The following ITPR2 variants were observed in gnomAD, a reference collection of about 807,000 sequenced individuals.
ITPR2 encodes the protein inositol 1,4,5-trisphosphate-gated calcium channel ITPR2.
ITPR2 carries 207 observed loss-of-function variants against 317.1 expected under a neutral mutation model. The observed-to-expected ratio is 0.65, with a 90% CI of 0.58 to 0.73. The LOEUF is 0.73. Ranked by LOEUF, ITPR2 falls within the 30% of genes least tolerant of loss-of-function variation. The pLI is 0.00. For synonymous variants in ITPR2, 1,156 were observed against 1,149.1 expected (o/e 1.01, Z -0.12); for missense variants, 2,613 against 3,284.0 (o/e 0.80, Z 4.99).
chr12:26,354,668 TTTTG>T (rs1263354901), intron 55 of ITPR2, among the ~76,000 whole-genome samples: 1 of 151,996 alleles, frequency 6.6e-6, no homozygotes, highest in Non-Finnish European at 1.5e-5. Context: ...TGGTTCTCTT[TTTTG>T]TTTGTTTGTT....
chr12:26,383,696 C>T (rs186971013), intron 55 of ITPR2, among the ~76,000 whole-genome samples: 1 of 148,932 alleles, frequency 6.7e-6, no homozygotes, highest in Non-Finnish European at 1.5e-5. Context: ...TGGGGTTTCA[C>T]CGCATTAGCC....
intron 14 of ITPR2, 107 bp downstream of exon 14, chr12:26,665,803 G>A (rs990856304): frequency 4.1e-6 from 4 of 986,756 alleles, no homozygotes; most frequent in African/African-American, 3.3e-5. Context: ...CAGCCACTAA[G>A]TTTTGGGATC....
At chr12:26,783,543 T>C (rs1950133313) in intron 2 of ITPR2, among the ~76,000 whole-genome samples, 2 of 152,146 alleles carry the variant, frequency 1.3e-5, no homozygotes, top group African/African-American at 4.8e-5. Flanking sequence ...ATGCAGACTT[T>C]TAGAAAAATG....
chr12:26,636,066 C>T (rs1270504859), intron 21 of ITPR2, among the ~76,000 whole-genome samples: 1 of 152,196 alleles, frequency 6.6e-6, no homozygotes, highest in Non-Finnish European at 1.5e-5. Context: ...AGCTGGATAG[C>T]TAGTTCTACG....
chr12:26,784,350 C>T (rs1305641237), intron 2 of ITPR2, among the ~76,000 whole-genome samples: 1 of 73,680 alleles, frequency 1.4e-5, no homozygotes. Flanking sequence ...TCTCCCTCTC[C>T]CTCTCCCTCT....
chr12:26,576,940 G>A (rs73290039), intron 34 of ITPR2, among the ~76,000 whole-genome samples: 8,592 of 152,152 alleles, frequency 0.056, 246 homozygotes, highest in South Asian at 0.1. Context: ...AATTATCCTG[G>A]GAGTGGGTTT....
In ITPR2 at chr12:26,617,662, G is replaced by GGGAAGGAAGGAGGGAAGGAA. The variant is rs1565643934; in HGVS notation, c.3462+3460_3462+3461insTTCCTTCCCTCCTTCCTTCC. The stretch of plus-strand genomic sequence containing the variant: ...AAAAAGAAAAGAAAGGAGGGACGGA[G>GGGAAGGAAGGAGGGAAGGAA]GGAGGGAAGGAAGGAGGGAAGGAAG... On this transcript the variant is annotated intron_variant, in intron 26 of 56. Coordinates refer to ENST00000381340, the MANE Select transcript of ITPR2 (RefSeq NM_002223.4). 3.4e-3 allele frequency among the ~76,000 whole-genome samples: 418 copies of GGGAAGGAAGGAGGGAAGGAA among 122,338 alleles called. 1 individual carries two copies. The highest frequency in any genetic ancestry group is 0.011 in the East Asian group (37 of 3,452). 80.3% of individuals were successfully genotyped at this position (122,338 alleles called of 152,430 possible).
At chr12:26,500,456 C>T (rs1162122145) in intron 37 of ITPR2, among the ~76,000 whole-genome samples, 1 of 152,184 alleles carries the variant, frequency 6.6e-6, no homozygotes, top group African/African-American at 2.4e-5. Flanking sequence ...GGTCTCTTTG[C>T]TGAGTGAGGA....
intron 9 of ITPR2, among the ~76,000 whole-genome samples, chr12:26,698,464 A>C (rs1188834683): frequency 6.6e-6 from 1 of 152,270 alleles, no homozygotes; most frequent in African/African-American, 2.4e-5. Flanking sequence ...CACAAAACAC[A>C]ATGTACTGCA....
chr12:26,442,516 G>A (rs1941509851), intron 46 of ITPR2, among the ~76,000 whole-genome samples: 1 of 152,048 alleles, frequency 6.6e-6, no homozygotes, highest in African/African-American at 2.4e-5. Context: ...CACTCTATTT[G>A]CTATTCCCTG....
rs1937967235 is a variant in ITPR2, at chr12:26,337,753, G to C, written c.*1644C>G. The C allele has an allele frequency of 6.6e-6, 1 of 152,158 alleles. No individual in the cohort carries two copies. The highest frequency in any genetic ancestry group is 1.5e-5 in the Non-Finnish European group (1 of 68,040). 9.4% of individuals were successfully genotyped at this position (152,158 alleles called of 1,614,324 possible). A position where few individuals can be genotyped will look rare whatever the true frequency, so the allele number is the denominator to read the frequency against. On this transcript the variant is annotated 3_prime_UTR_variant, in exon 57 of 57. Transcript: ENST00000381340. ...AAAAAATACTGTCATGTCAGAGTGA[G>C]GAATTCTTAGTATGAGGTGGTGCTG... is the stretch of plus-strand genomic sequence containing the variant.
chr12:26,693,783 G>A lies in ITPR2; in HGVS notation c.996+1823C>T, dbSNP rs533497724. Among the ~76,000 whole-genome samples, 8 of 152,118 alleles carry A rather than the reference G, an allele frequency of 5.3e-5. No individual in the cohort carries two copies. In the East Asian group the frequency reaches 5.8e-4, roughly 11 times the overall value. On this transcript the variant is annotated intron_variant, in intron 10 of 56. Transcript: ENST00000381340. ...ATATTATGTAGTAGAAAGGAGATGC[G>A]CACAGAGATTTAATTAATTTGTACA...
chr12:26,569,978 G>T (rs116454928), intron 34 of ITPR2, among the ~76,000 whole-genome samples: 9,159 of 152,208 alleles, frequency 0.06, 330 homozygotes, highest in Middle Eastern at 0.11. Flanking sequence ...ATATCCAATA[G>T]TGAGGTTAAA....
In ITPR2 at chr12:26,656,551, TA is replaced by T. The variant is rs772791497; in HGVS notation, c.2193-4del. On this transcript the variant is annotated splice_region_variant and splice_polypyrimidine_tract_variant and intron_variant, in intron 18 of 56. Transcript: ENST00000381340. The stretch of plus-strand genomic sequence containing the variant: ...TTGCAAAGAGGTTTAGCTGGTACCT[TA>T]AAAATGGTAAACATATTACATTATT... 14 of 1,612,672 alleles carry T rather than the reference TA, an allele frequency of 8.7e-6. No homozygotes were observed. In the South Asian group the frequency reaches 1.3e-4, roughly 15 times the overall value.
chr12:26,491,118 T>C (rs932670426), intron 39 of ITPR2, among the ~76,000 whole-genome samples: 1 of 152,186 alleles, frequency 6.6e-6, no homozygotes. Context: ...AAGTATCTTA[T>C]GGACTGTAGC....
rs542134993 is a variant in ITPR2, at chr12:26,336,871, T to A, written c.*2526A>T. ...CATTAACAAACATACACATAACAAA[T>A]ATAAATTTATATCAAATGTCAAATT... On this transcript the variant is annotated 3_prime_UTR_variant, in exon 57 of 57. Transcript: ENST00000381340. The A allele has an allele frequency of 6.6e-6, 1 of 152,116 alleles. No individual in the cohort carries two copies. The highest frequency in any genetic ancestry group is 1.5e-5 in the Non-Finnish European group (1 of 67,966). 9.4% of individuals were successfully genotyped at this position (152,116 alleles called of 1,614,324 possible).
rs1365731559 is a variant in ITPR2 at position 26,599,336 on chromosome 12, C to T, written c.3811G>A (p.Ala1271Thr). The T allele has an allele frequency of 6.2e-7, 1 of 1,613,948 alleles. No individual in the cohort carries two copies. Among genetic ancestry groups the T allele is most frequent in the South Asian group, 1.1e-5 (1 of 91,080 alleles). The change falls in exon 30 of 57, where the codon GCA becomes ACA. Residue 1271 changes from alanine (A) to threonine (T), a missense_variant. Coordinates refer to ENST00000381340, the MANE Select transcript of ITPR2 (RefSeq NM_002223.4). ...ATGAAGATGTGCCGCATGGTTTCTG[C>T]TTCAAGGAGCTAAACACAGAGGAAC... ...NLFLTPGLLE[A>T]ETMRHIFMNN...
At chr12:26,748,038 C>A (rs1949353330) in intron 2 of ITPR2, among the ~76,000 whole-genome samples, 1 of 152,042 alleles carries the variant, frequency 6.6e-6, no homozygotes, top group South Asian at 2.1e-4. Flanking sequence ...TCCAGGAAGG[C>A]TTTCCTAAGA....
chr12:26,810,106 C>T (rs1238590909), intron 1 of ITPR2, among the ~76,000 whole-genome samples: 9 of 152,192 alleles, frequency 5.9e-5, no homozygotes, highest in Non-Finnish European at 1.2e-4. Flanking sequence ...AAATAACTTT[C>T]GCAATCTCAC....
Sources: gnomAD v4.1 joint callset for allele counts (sites outside exome capture counted in the v4.1 genomes callset) on GRCh38, gnomAD v4.1.1 for gene constraint, MANE v1.5 for transcripts, NCBI Gene and HGNC (gene_info 2026-07-23, HGNC 2026-07-21) for gene names.